The following IL36RN variants were observed in gnomAD, a reference collection of about 807,000 sequenced individuals.
IL36RN encodes the protein interleukin-36 receptor antagonist protein.
In IL36RN, 11 loss-of-function variants were observed where a neutral mutation model predicts 13.0. That is an observed-to-expected ratio of 0.85 (90% CI 0.53 to 1.40). The LOEUF (loss-of-function observed/expected upper bound fraction) is 1.40. Ranked by LOEUF, IL36RN falls within the 40% of genes most tolerant of loss-of-function variation. IL36RN has a pLI of 0.00. For synonymous variants in IL36RN, 94 were observed against 84.1 expected (o/e 1.12, Z -0.64); for missense variants, 195 against 195.3 (o/e 1.00, Z 0.01).
Position 113,063,285 on chromosome 2 carries a change from G to A in IL36RN, c.*608G>A. The A allele has an allele frequency of 6.1e-6, 1 of 162,920 alleles. No individual in the cohort carries two copies. The highest frequency in any genetic ancestry group is 1.7e-4 in the East Asian group (1 of 5,836). The allele number at this position is 162,920 out of a possible 1,614,324, so 10.1% of individuals were successfully genotyped here. On this transcript the variant is annotated 3_prime_UTR_variant, in exon 5 of 5. Coordinates refer to ENST00000393200, the MANE Select transcript of IL36RN (RefSeq NM_012275.3). ...AGCTCAGAAGATAAAAGATAAGTAGGGTATGCTGATCCTCTTTTAAAAACC... is the reference window on the plus strand; with the variant it reads ...AGCTCAGAAGATAAAAGATAAGTAGAGTATGCTGATCCTCTTTTAAAAACC...
In IL36RN at chr2:113,059,416, G is replaced by A; in HGVS notation, c.-23G>A. 6.2e-7 allele frequency: 1 copy of A among 1,613,532 alleles called. No individual in the cohort carries two copies. The highest frequency in any genetic ancestry group is 1.1e-5 in the South Asian group (1 of 91,034). Reference sequence around the variant, plus strand: ...CTGTTGTTTATTCCAAAATAGGGGAGTCTACACCCTGTGGAGCTCAAGATG... The same window carrying A: ...CTGTTGTTTATTCCAAAATAGGGGAATCTACACCCTGTGGAGCTCAAGATG... On this transcript the variant is annotated 5_prime_UTR_variant, in exon 2 of 5. Transcript: ENST00000393200.
In IL36RN at chr2:113,061,055, G is replaced by A. The variant is rs2251872; in HGVS notation, c.115+118G>A. ...CATAGGCCTACAGAGCCCAGGCATTGGGGCAGCACAAACCAGGCTCTAAGC... is the reference window on the plus strand; with the variant it reads ...CATAGGCCTACAGAGCCCAGGCATTAGGGCAGCACAAACCAGGCTCTAAGC... On this transcript the variant is annotated intron_variant, in intron 3 of 4. Transcript: ENST00000393200. The A allele has an allele frequency of 0.67, 527,769 of 783,806 alleles. 182,897 individuals are homozygous for A. Among genetic ancestry groups the A allele is most frequent in the East Asian group, 0.94 (36,016 of 38,166 alleles). The allele number at this position is 783,806 out of a possible 1,614,324, so 48.6% of individuals were successfully genotyped here. A position where few individuals can be genotyped will look rare whatever the true frequency, so the allele number is the denominator to read the frequency against.
In IL36RN at chr2:113,063,226, A is replaced by C. The variant is rs1685680611; in HGVS notation, c.*549A>C. On this transcript the variant is annotated 3_prime_UTR_variant, in exon 5 of 5. Transcript: ENST00000393200. ...CTTCCCTCATCATCTTGTTGTGGGC[A>C]TGAGGAGGTGCTGATGTCAGAAGAA... 2 of 176,828 alleles carry C rather than the reference A, an allele frequency of 1.1e-5. No homozygotes were observed. Among genetic ancestry groups the C allele is most frequent in the Admixed American group, 1.1e-4 (2 of 18,634 alleles). The allele number at this position is 176,828 out of a possible 1,614,324, so 11.0% of individuals were successfully genotyped here.
At chr2:113,059,728 A>G (rs995074554) in intron 2 of IL36RN, among the ~76,000 whole-genome samples, 18 of 152,194 alleles carry the variant, frequency 1.2e-4, no homozygotes, top group Admixed American at 5.2e-4. Flanking sequence ...AGCCAAGTCT[A>G]TCCAAGGTGG....
chr2:113,059,166 T>C (rs1685587700), upstream of IL36RN: 2 of 536,272 alleles, frequency 3.7e-6, no homozygotes, highest in Admixed American at 3.1e-5. Context: ...CCCTAGGCCT[T>C]ACTTAAAAGG....
At chr2:113,058,994 G>A (rs1297546917), upstream of IL36RN, 3 of 226,226 alleles carry the variant, frequency 1.3e-5, no homozygotes, top group South Asian at 7.0e-5. Flanking sequence ...GAGCTGGAAA[G>A]CCTCAAGGAA....
Position 113,062,790 on chromosome 2 carries a change from T to G in IL36RN, c.*113T>G. 2.1e-6 allele frequency: 2 copies of G among 944,192 alleles called. No homozygotes were observed. The highest frequency in any genetic ancestry group is 3.3e-6 in the Non-Finnish European group (2 of 607,812). 58.5% of individuals were successfully genotyped at this position (944,192 alleles called of 1,614,324 possible). The stretch of plus-strand genomic sequence containing the variant: ...TGCTCTCAGGACCCCCACGTCTGAC[T>G]TAGTGGGCACCTGACCACTTTGTCT... On this transcript the variant is annotated 3_prime_UTR_variant, in exon 5 of 5. Transcript: ENST00000393200.
Position 113,063,190 on chromosome 2 carries a change from C to T in IL36RN, c.*513C>T, listed in dbSNP as rs565298108. On this transcript the variant is annotated 3_prime_UTR_variant, in exon 5 of 5. Transcript: ENST00000393200. ...TAATCCTGCCACTGTCATATGCTACCTTTCCTATCTCTTCCCTCATCATCT... is the reference window on the plus strand; with the variant it reads ...TAATCCTGCCACTGTCATATGCTACTTTTCCTATCTCTTCCCTCATCATCT... The T allele has an allele frequency of 5.2e-6, 1 of 192,512 alleles. No homozygotes were observed. Among genetic ancestry groups the T allele is most frequent in the Non-Finnish European group, 1.1e-5 (1 of 91,730 alleles). The allele number at this position is 192,512 out of a possible 1,614,324, so 11.9% of individuals were successfully genotyped here.
Position 113,060,864 on chromosome 2 carries a change from G to A in IL36RN, c.42G>A (p.Ser14=), listed in dbSNP as rs200623658. 9.9e-6 allele frequency: 16 copies of A among 1,613,742 alleles called. No homozygotes were observed. The highest frequency in any genetic ancestry group is 1.6e-4 in the Middle Eastern group (1 of 6,070). ...SGALCFRMKD[S]ALKVLYLHNN... Reference sequence around the variant, plus strand: ...CCTGATGTTTCAGAATGAAGGACTCGGCATTGAAGGTGCTTTATCTGCATA... The same window carrying A: ...CCTGATGTTTCAGAATGAAGGACTCAGCATTGAAGGTGCTTTATCTGCATA... The change falls in exon 3 of 5, where the codon TCG becomes TCA. Residue 14 remains serine, a synonymous_variant. Coordinates refer to ENST00000393200, the MANE Select transcript of IL36RN (RefSeq NM_012275.3).
chr2:113,062,432 C>A (rs938489566), intron 4 of IL36RN, 21 bp from the exon 5 acceptor site: 2 of 1,613,568 alleles, frequency 1.2e-6, no homozygotes, highest in Non-Finnish European at 1.7e-6. Flanking sequence ...CCTCACCTGA[C>A]CTCCCCTCCT....
chr2:113,060,863 C>A lies in IL36RN; in HGVS notation c.41C>A (p.Ser14Ter). 3.7e-6 allele frequency: 6 copies of A among 1,613,694 alleles called. No individual in the cohort carries two copies. Among genetic ancestry groups the A allele is most frequent in the Non-Finnish European group, 5.1e-6 (6 of 1,179,604 alleles). The change falls in exon 3 of 5, where the codon TCG (serine) becomes TAG (stop). Residue 14 changes from serine to a stop codon, truncating the protein, a stop_gained. Transcript: ENST00000393200. LOFTEE classifies it high-confidence loss of function. Reference protein sequence around the residue: ...SGALCFRMKDSALKVLYLHNN... With the variant: ...SGALCFRMKD The stretch of plus-strand genomic sequence containing the variant: ...TCCTGATGTTTCAGAATGAAGGACT[C>A]GGCATTGAAGGTGCTTTATCTGCAT...
rs149933228 is a variant in IL36RN at position 113,063,086 on chromosome 2, C to T, written c.*409C>T. The T allele has an allele frequency of 1.1e-4, 38 of 340,074 alleles. No individual in the cohort carries two copies. Among genetic ancestry groups the T allele is most frequent in the African/African-American group, 7.9e-4 (37 of 46,760 alleles). 21.1% of individuals were successfully genotyped at this position (340,074 alleles called of 1,614,324 possible). ...TAGCTCTCCACATGAAGACCTGTCACTCACCACTATGCAGGAGAGGGAGGT... is the reference window on the plus strand; with the variant it reads ...TAGCTCTCCACATGAAGACCTGTCATTCACCACTATGCAGGAGAGGGAGGT... On this transcript the variant is annotated 3_prime_UTR_variant, in exon 5 of 5. Transcript: ENST00000393200.
chr2:113,062,055 T>C, intron 3 of IL36RN, 69 bp from the exon 4 acceptor site: 2 of 1,583,588 alleles, frequency 1.3e-6, no homozygotes, highest in Admixed American at 3.7e-5. Context: ...TCCTGTGCCC[T>C]AGAGCCCAGG....
intron 1 of IL36RN, 27 bp downstream of exon 1, chr2:113,059,268 G>A (rs887438739): frequency 2.4e-5 from 17 of 714,472 alleles, no homozygotes; most frequent in South Asian, 1.4e-4. Flanking sequence ...TGGTGGTACC[G>A]GAGCTCTCTC....
rs1408763834 is a variant in IL36RN, at chr2:113,063,127, G to A, written c.*450G>A. ...AGAGGGAGGTGGTCATAGAGTCAGG[G>A]ATCTATGGCCCTTGGCCCAGCCCCA... On this transcript the variant is annotated 3_prime_UTR_variant, in exon 5 of 5. Coordinates refer to ENST00000393200, the MANE Select transcript of IL36RN (RefSeq NM_012275.3). 1.1e-5 allele frequency: 3 copies of A among 268,738 alleles called. No individual in the cohort carries two copies. The highest frequency in any genetic ancestry group is 4.3e-5 in the South Asian group (1 of 22,998). 16.6% of individuals were successfully genotyped at this position (268,738 alleles called of 1,614,324 possible).
At position 113,062,228 on chromosome 2, in the gene IL36RN, C is replaced by T. The variant is rs368461730; in HGVS notation, c.220C>T (p.Gln74Ter). 3 of 1,613,886 alleles carry T rather than the reference C, an allele frequency of 1.9e-6. No individual in the cohort carries two copies. The highest frequency in any genetic ancestry group is 2.7e-5 in the African/African-American group (2 of 74,876). Residue 74 changes from glutamine (Q) to a stop codon, truncating the protein, a stop_gained, in exon 4 of 5, where the codon CAG (glutamine) becomes TAG (stop). Coordinates refer to ENST00000393200, the MANE Select transcript of IL36RN (RefSeq NM_012275.3). LOFTEE classifies it low-confidence loss of function (END_TRUNC). Reference sequence around the variant, plus strand: ...CCAGTGCCTGTCATGTGGGGTGGGGCAGGAGCCGACTCTAACACTAGAGGT... The same window carrying T: ...CCAGTGCCTGTCATGTGGGGTGGGGTAGGAGCCGACTCTAACACTAGAGGT... ...GSQCLSCGVG[Q>*]EPTLTLEPVN...
At chr2:113,061,303 T>C (rs1685635611) in intron 3 of IL36RN, among the ~76,000 whole-genome samples, 1 of 152,230 alleles carries the variant, frequency 6.6e-6, no homozygotes, top group African/African-American at 2.4e-5. Context: ...GGAGTGGGTT[T>C]CTGCCTCTCC....
chr2:113,060,989 G>A (rs1377605209), intron 3 of IL36RN, 52 bp downstream of exon 3: 2 of 1,381,712 alleles, frequency 1.4e-6, no homozygotes, highest in Non-Finnish European at 2.1e-6. Flanking sequence ...ACTCTCAGGG[G>A]AGGGGGCCTG....
chr2:113,062,801 C>T lies in IL36RN; in HGVS notation c.*124C>T. The T allele has an allele frequency of 2.3e-6, 2 of 851,164 alleles. No individual in the cohort carries two copies. The highest frequency in any genetic ancestry group is 4.0e-5 in the Admixed American group (2 of 50,002). The allele number at this position is 851,164 out of a possible 1,614,324, so 52.7% of individuals were successfully genotyped here. On this transcript the variant is annotated 3_prime_UTR_variant, in exon 5 of 5. Coordinates refer to ENST00000393200, the MANE Select transcript of IL36RN (RefSeq NM_012275.3). ...CCCCCACGTCTGACTTAGTGGGCAC[C>T]TGACCACTTTGTCTTCTGGTTCCCA... is the stretch of plus-strand genomic sequence containing the variant.
Sources: allele counts gnomAD v4.1 joint callset (sites outside exome capture counted in the v4.1 genomes callset), GRCh38; gene constraint gnomAD v4.1.1; transcripts MANE v1.5; gene names NCBI Gene and HGNC (gene_info 2026-07-23, HGNC 2026-07-21).